The following NCAM1 variants were observed in gnomAD, a reference collection of about 807,000 sequenced individuals.
The protein encoded by NCAM1 is antigen recognized by monoclonal antibody 5.1H11.
A neutral mutation model predicts 109.8 loss-of-function variants in NCAM1; 14 were observed. The observed-to-expected ratio is 0.13, with a 90% CI of 0.08 to 0.20. NCAM1 has a LOEUF of 0.20. Ranked by LOEUF, NCAM1 falls within the 10% of genes least tolerant of loss-of-function variation. The pLI is 1.00. For missense variants in NCAM1, 774 were observed against 1,109.9 expected (o/e 0.70, Z 4.30); for synonymous variants, 418 against 442.9 (o/e 0.94, Z 0.70).
chr11:113,244,282 A>C (rs1395984790), intron 14 of NCAM1, among the ~76,000 whole-genome samples: 2 of 152,174 alleles, frequency 1.3e-5, no homozygotes, highest in Non-Finnish European at 2.9e-5. Flanking sequence ...ATTTTGCCTG[A>C]AGAAGGAATT....
intron 1 of NCAM1, among the ~76,000 whole-genome samples, chr11:113,196,410 C>A (rs1555110842): frequency 6.6e-6 from 1 of 152,180 alleles, no homozygotes. Flanking sequence ...CACCTGACCA[C>A]AAACTAGATT....
At chr11:113,240,803 T>G (rs1555118994) in intron 14 of NCAM1, 12 of 1,613,794 alleles carry the variant, frequency 7.4e-6, no homozygotes, top group Non-Finnish European at 1.0e-5. Flanking sequence ...TGCTAGCTCG[T>G]CTACCCCTGT....
At position 113,271,369 on chromosome 11, in the gene NCAM1, C is replaced by CAA. The variant is rs71060298; in HGVS notation, c.2340-365_2340-364dup. 1.9e-3 allele frequency among the ~76,000 whole-genome samples: 124 copies of CAA among 66,862 alleles called. 5 individuals are homozygous for CAA. Among genetic ancestry groups the CAA allele is most frequent in the African/African-American group, 5.5e-3 (85 of 15,452 alleles). 43.9% of individuals were successfully genotyped at this position (66,862 alleles called of 152,430 possible). On this transcript the variant is annotated intron_variant, in intron 18 of 19. Transcript: ENST00000316851. ...TGGGCGACATAGAGAGACTCTGTCT[C>CAA]AAAAAAAAAAAAAAAAAAAAAAAAA...
At chr11:113,256,853 G>A (rs1287531783) in intron 16 of NCAM1, among the ~76,000 whole-genome samples, 1 of 152,216 alleles carries the variant, frequency 6.6e-6, no homozygotes, top group Admixed American at 6.5e-5. Context: ...TCTTGCTGGG[G>A]TTTCGTAGTA....
intron 14 of NCAM1, among the ~76,000 whole-genome samples, chr11:113,245,144 A>G (rs1359236494): frequency 6.6e-6 from 1 of 151,946 alleles, no homozygotes; most frequent in African/African-American, 2.4e-5. Flanking sequence ...TGCAACCACG[A>G]TTCTAAAGAT....
chr11:113,252,309 G>C (rs1032482788), intron 15 of NCAM1, among the ~76,000 whole-genome samples: 2 of 151,764 alleles, frequency 1.3e-5, no homozygotes, highest in African/African-American at 4.8e-5. Context: ...CGGAGGCTGT[G>C]GTGAGTGAAT....
In NCAM1 at chr11:113,181,474, C is replaced by T. The variant is rs111282629; in HGVS notation, c.53-20905C>T. Among the ~76,000 whole-genome samples, 427 of 152,212 alleles carry T rather than the reference C, an allele frequency of 2.8e-3. 11 individuals are homozygous for T. In the East Asian group the frequency reaches 0.04, roughly 14 times the overall value. On this transcript the variant is annotated intron_variant, in intron 1 of 19. Transcript: ENST00000316851. ...AAGTGGGAGCTGAACAGTGAGAACA[C>T]GTGGACACATGGGATGCGGAACAAC...
At chr11:113,243,557 A>G (rs782292085) in intron 14 of NCAM1, 4 of 518,608 alleles carry the variant, frequency 7.7e-6, no homozygotes, top group African/African-American at 1.9e-5. Context: ...CGTAGAAAAC[A>G]TTGCACAGAA....
At position 112,961,528 on chromosome 11, in the gene NCAM1, G is replaced by A; in HGVS notation, c.-85G>A. 1.1e-6 allele frequency: 1 copy of A among 897,194 alleles called. No individual in the cohort carries two copies. Among genetic ancestry groups the A allele is most frequent in the Non-Finnish European group, 1.9e-6 (1 of 526,776 alleles). The allele number at this position is 897,194 out of a possible 1,614,324, so 55.6% of individuals were successfully genotyped here. On this transcript the variant is annotated 5_prime_UTR_variant, in exon 1 of 20. Coordinates refer to ENST00000316851, the MANE Select transcript of NCAM1 (RefSeq NM_181351.5). ...GCAATTGTCTGCCCCTAGGTCTGTCGCTCAGCCGCCGTCCACACTCGCTGC... is the reference window on the plus strand; with the variant it reads ...GCAATTGTCTGCCCCTAGGTCTGTCACTCAGCCGCCGTCCACACTCGCTGC...
At chr11:112,986,027 G>A (rs1951293249) in intron 1 of NCAM1, among the ~76,000 whole-genome samples, 1 of 151,900 alleles carries the variant, frequency 6.6e-6, no homozygotes. Context: ...TTAAGGTTAA[G>A]TATGGTGTTA....
At position 113,049,663 on chromosome 11, in the gene NCAM1, G is replaced by A. The variant is rs150703617; in HGVS notation, c.52+87999G>A. On this transcript the variant is annotated intron_variant, in intron 1 of 19. Coordinates refer to ENST00000316851, the MANE Select transcript of NCAM1 (RefSeq NM_181351.5). ...CTAGGGCTGCCCTGCCACAAAAAGTGTAGGTCTTTGCGTTAAAACTCTGCT... is the reference window on the plus strand; with the variant it reads ...CTAGGGCTGCCCTGCCACAAAAAGTATAGGTCTTTGCGTTAAAACTCTGCT... Among the ~76,000 whole-genome samples, 344 of 152,322 alleles carry A rather than the reference G, an allele frequency of 2.3e-3. 4 individuals carry two copies. The highest frequency in any genetic ancestry group is 8.1e-3 in the African/African-American group (335 of 41,570).
rs1328385259 is a variant in NCAM1, at chr11:113,230,023, G to A, written c.1090-1622G>A. 5.3e-5 allele frequency among the ~76,000 whole-genome samples: 8 copies of A among 151,820 alleles called. 1 individual carries two copies. The South Asian group carries it at 1.0e-3, about 20-fold the overall frequency. On this transcript the variant is annotated intron_variant, in intron 9 of 19. Coordinates refer to ENST00000316851, the MANE Select transcript of NCAM1 (RefSeq NM_181351.5). ...GGTGCAGCACACCAACATGGCACAT[G>A]TATACGTATGTAACAAACCTGCACG...
intron 1 of NCAM1, among the ~76,000 whole-genome samples, chr11:113,189,769 G>A (rs139170354): frequency 4.6e-5 from 7 of 152,070 alleles, no homozygotes; most frequent in African/African-American, 1.7e-4. Flanking sequence ...GGACAGTTGG[G>A]TTTGGATTGA....
chr11:113,155,147 C>A (rs1216382952), intron 1 of NCAM1, among the ~76,000 whole-genome samples: 1 of 152,006 alleles, frequency 6.6e-6, no homozygotes, highest in Non-Finnish European at 1.5e-5. Context: ...AGTGCCTGGG[C>A]AGTGAGGAAG....
intron 1 of NCAM1, among the ~76,000 whole-genome samples, chr11:113,186,835 G>A (rs927094016): frequency 6.6e-6 from 1 of 152,254 alleles, no homozygotes; most frequent in African/African-American, 2.4e-5. Context: ...ACACAGCAGA[G>A]GTGCGAAGCC....
intron 14 of NCAM1, among the ~76,000 whole-genome samples, chr11:113,241,535 A>T (rs1235265797): frequency 2.0e-5 from 3 of 152,192 alleles, no homozygotes; most frequent in African/African-American, 7.2e-5. Context: ...CCCACATGGG[A>T]TCATTACCAC....
At chr11:113,005,942 C>T (rs1275325405) in intron 1 of NCAM1, among the ~76,000 whole-genome samples, 12 of 152,228 alleles carry the variant, frequency 7.9e-5, no homozygotes, top group African/African-American at 2.9e-4. Flanking sequence ...CAGTGTAGAA[C>T]TTCAACCAAT....
rs1940955641 is a variant in NCAM1 at position 113,121,503 on chromosome 11, G to A, written c.53-80876G>A. On this transcript the variant is annotated intron_variant, in intron 1 of 19. Coordinates refer to ENST00000316851, the MANE Select transcript of NCAM1 (RefSeq NM_181351.5). ...CCCAAAGTGTTAAGATTACAGGCAT[G>A]AGCCACTGTGCCTGGCCAACACCAC... Among the ~76,000 whole-genome samples the A allele has an allele frequency of 4.1e-5, 5 of 121,078 alleles. No homozygotes were observed. In the South Asian group the frequency reaches 1.5e-3, roughly 35 times the overall value. 79.4% of individuals were successfully genotyped at this position (121,078 alleles called of 152,430 possible). A position where few individuals can be genotyped will look rare whatever the true frequency, so the allele number is the denominator to read the frequency against.
chr11:113,062,436 G>A (rs916268556), intron 1 of NCAM1, among the ~76,000 whole-genome samples: 6 of 152,132 alleles, frequency 3.9e-5, no homozygotes, highest in African/African-American at 7.2e-5. Flanking sequence ...TGTTCTGGGC[G>A]CTGGATCTAC....
Sources: allele counts gnomAD v4.1 joint callset (sites outside exome capture counted in the v4.1 genomes callset), GRCh38; gene constraint gnomAD v4.1.1; transcripts MANE v1.5; gene names NCBI Gene and HGNC (gene_info 2026-07-23, HGNC 2026-07-21).